Variants in HNF4A observed in about 807,000 individuals in gnomAD.
HNF4A encodes hepatocyte nuclear factor 4 alpha.
In HNF4A, 15 loss-of-function variants were observed where a neutral mutation model predicts 52.4. The ratio of observed to expected loss-of-function variants is 0.29; its 90% CI spans 0.19 to 0.44. The LOEUF (loss-of-function observed/expected upper bound fraction) is 0.44, where lower values mean the gene tolerates loss of function less well. Ranked by LOEUF, HNF4A falls within the 20% of genes least tolerant of loss-of-function variation. The pLI is 1.00. For synonymous variants in HNF4A, 280 were observed against 264.4 expected (o/e 1.06, Z -0.57); for missense variants, 479 against 647.2 (o/e 0.74, Z 2.82).
chr20:44,415,804 T>C (rs2063655658), intron 5 of HNF4A, among the ~76,000 whole-genome samples: 2 of 152,132 alleles, frequency 1.3e-5, no homozygotes, highest in South Asian at 4.1e-4. Flanking sequence ...CCCAGCCTCA[T>C]ACAGGGGCTG....
chr20:44,414,528 A>T lies in HNF4A; in HGVS notation c.514A>T (p.Ile172Phe), dbSNP rs769976671. The change falls in exon 5 of 10, where the codon ATC becomes TTC. Residue 172 changes from isoleucine (I) to phenylalanine (F), a missense_variant. Coordinates refer to ENST00000316099, the MANE Select transcript of HNF4A (RefSeq NM_000457.6). The stretch of plus-strand genomic sequence containing the variant: ...GAAGATCACCTCCCCCGTCTCCGGG[A>T]TCAACGGCGACATTCGGGCGAAGAA... 6.2e-7 allele frequency: 1 copy of T among 1,614,196 alleles called. No homozygotes were observed.
At chr20:44,387,041 G>C (rs2063233177) in intron 1 of HNF4A, among the ~76,000 whole-genome samples, 2 of 152,030 alleles carry the variant, frequency 1.3e-5, no homozygotes, top group Admixed American at 6.6e-5. Context: ...GGTGGCTCAT[G>C]CCTGTAATCC....
intron 1 of HNF4A, among the ~76,000 whole-genome samples, chr20:44,370,226 A>G (rs1376377301): frequency 2.0e-5 from 3 of 151,816 alleles, no homozygotes. Context: ...ACGGGGTTTC[A>G]CCGTGTTAGC....
chr20:44,416,272 T>A (rs1425463858), intron 5 of HNF4A, among the ~76,000 whole-genome samples: 1 of 152,248 alleles, frequency 6.6e-6, no homozygotes, highest in Admixed American at 6.5e-5. Flanking sequence ...GTCGGGGGCA[T>A]TGTCCTCCAA....
chr20:44,390,755 A>G, intron 1 of HNF4A: 1 of 679,846 alleles, frequency 1.5e-6, no homozygotes, highest in Non-Finnish European at 2.7e-6. Flanking sequence ...AAGGGGGAGG[A>G]TTCCAGACTG....
chr20:44,407,143 C>T (rs2063512439), intron 2 of HNF4A, among the ~76,000 whole-genome samples: 1 of 152,198 alleles, frequency 6.6e-6, no homozygotes, highest in East Asian at 1.9e-4. Flanking sequence ...AGCAGAGCGA[C>T]CCAGGACCAC....
intron 1 of HNF4A, among the ~76,000 whole-genome samples, chr20:44,386,211 A>C (rs1313541830): frequency 3.1e-5 from 4 of 129,566 alleles, no homozygotes; most frequent in African/African-American, 1.2e-4. Flanking sequence ...CTTGTTAACC[A>C]GGCTGGAGTG....
At chr20:44,385,059 CTTTTTTTTTTTTTTTTTTT>C (rs775721024) in intron 1 of HNF4A, among the ~76,000 whole-genome samples, 2 of 34,970 alleles carry the variant, frequency 5.7e-5, no homozygotes, top group African/African-American at 1.3e-4. Context: ...ACTCTGTGAT[CTTTTTTTTTTTTTTTTTTT>C]TTTTTTTTTG....
At chr20:44,411,927 C>T (rs1205376544) in intron 3 of HNF4A, among the ~76,000 whole-genome samples, 3 of 151,712 alleles carry the variant, frequency 2.0e-5, no homozygotes, top group Non-Finnish European at 4.4e-5. Flanking sequence ...CGTGGTGGCA[C>T]ACGCCTATAA....
chr20:44,384,040 G>T (rs188157003), intron 1 of HNF4A, among the ~76,000 whole-genome samples: 44 of 150,936 alleles, frequency 2.9e-4, no homozygotes, highest in African/African-American at 1.0e-3. Context: ...TAGTAGAGAT[G>T]GGGTTTCCTC....
Position 44,411,832 on chromosome 20 carries a change from G to T in HNF4A, c.386-1862G>T, listed in dbSNP as rs570335269. 3.3e-5 allele frequency among the ~76,000 whole-genome samples: 5 copies of T among 151,836 alleles called. No homozygotes were observed. The South Asian group carries it at 1.0e-3, about 32-fold the overall frequency. ...TCCCAGCATTTTGTGAGGCTGAGTG[G>T]ATCACTTAAAGCCAGGTTTTCGAGA... On this transcript the variant is annotated intron_variant, in intron 3 of 9. Coordinates refer to ENST00000316099, the MANE Select transcript of HNF4A (RefSeq NM_000457.6).
rs888885720 is a variant in HNF4A, at chr20:44,386,934, T to C, written c.50-19124T>C. On this transcript the variant is annotated intron_variant, in intron 1 of 9. Coordinates refer to the HNF4A transcript ENST00000316673. ...CCTGTTACGCACCGAGCACTTGAAGTTTACATCACTATCAGTTCCTCTTGA... is the reference window on the plus strand; with the variant it reads ...CCTGTTACGCACCGAGCACTTGAAGCTTACATCACTATCAGTTCCTCTTGA... Among the ~76,000 whole-genome samples the C allele has an allele frequency of 6.6e-5, 10 of 152,228 alleles. No individual in the cohort carries two copies. The South Asian group carries it at 1.5e-3, about 22-fold the overall frequency.
intron 1 of HNF4A, among the ~76,000 whole-genome samples, chr20:44,358,179 A>C (rs1231108594): frequency 6.7e-5 from 10 of 149,900 alleles, no homozygotes; most frequent in African/African-American, 2.5e-4. Context: ...GAGTCAAATC[A>C]TTACCCCTCT....
chr20:44,390,749 G>A (rs1003322694), intron 1 of HNF4A: 1 of 684,328 alleles, frequency 1.5e-6, no homozygotes, highest in African/African-American at 1.8e-5. Context: ...AGAACCAAGG[G>A]GGAGGATTCC....
rs558148858 is a variant in HNF4A, at chr20:44,430,299, A to G, written c.*634A>G. 8 of 152,814 alleles carry G rather than the reference A, an allele frequency of 5.2e-5. No homozygotes were observed. Among genetic ancestry groups the G allele is most frequent in the Non-Finnish European group, 1.2e-4 (8 of 68,418 alleles). 9.5% of individuals were successfully genotyped at this position (152,814 alleles called of 1,614,324 possible). On this transcript the variant is annotated 3_prime_UTR_variant, in exon 10 of 10. Transcript: ENST00000316099. Reference sequence around the variant, plus strand: ...TGGGACCAGGCACCAGGCAGGGTCTAGAAGGCTGTGGTGAGGGAAGACGCC... The same window carrying G: ...TGGGACCAGGCACCAGGCAGGGTCTGGAAGGCTGTGGTGAGGGAAGACGCC...
chr20:44,426,910 G>A (rs1329172253), intron 8 of HNF4A, among the ~76,000 whole-genome samples: 3 of 152,182 alleles, frequency 2.0e-5, no homozygotes, highest in Admixed American at 6.5e-5. Flanking sequence ...ATTAGATTAC[G>A]GGAGCTGGAA....
In HNF4A at chr20:44,383,452, G is replaced by C. The variant is rs185052764; in HGVS notation, c.50-22606G>C. On this transcript the variant is annotated intron_variant, in intron 1 of 9. Coordinates refer to the HNF4A transcript ENST00000316673. ...GCCCAGGATGTCAAGTTCCAGAATT[G>C]GTACACTCAGCCTCAATACTGTGCT... 9.2e-5 allele frequency among the ~76,000 whole-genome samples: 14 copies of C among 152,108 alleles called. No individual in the cohort carries two copies. The East Asian group carries it at 2.1e-3, about 23-fold the overall frequency.
chr20:44,401,773 G>C (rs1209687173), intron 1 of HNF4A, among the ~76,000 whole-genome samples: 1 of 152,212 alleles, frequency 6.6e-6, no homozygotes, highest in African/African-American at 2.4e-5. Flanking sequence ...CAGTGGCTCT[G>C]CTTGGCGCTT....
chr20:44,422,866 A>C (rs1193972503), intron 7 of HNF4A, among the ~76,000 whole-genome samples: 2 of 151,738 alleles, frequency 1.3e-5, no homozygotes, highest in African/African-American at 4.8e-5. Flanking sequence ...ATCAGTAGAG[A>C]TGGGGTTTCA....
Sources: gnomAD v4.1 joint callset for allele counts (sites outside exome capture counted in the v4.1 genomes callset) on GRCh38, gnomAD v4.1.1 for gene constraint, MANE v1.5 for transcripts, NCBI Gene and HGNC (gene_info 2026-07-23, HGNC 2026-07-21) for gene names.